Variants in GIMAP1 observed in about 807,000 individuals in gnomAD.
GIMAP1 encodes the protein GTPase IMAP family member 1.
For missense variants in GIMAP1, 423 were observed against 411.9 expected (o/e 1.03, Z -0.23); for synonymous variants, 230 against 187.7 (o/e 1.23, Z -1.84).
chr7:150,719,108 C>CA lies in GIMAP1; in HGVS notation c.43+19dup. 6.2e-7 allele frequency: 1 copy of CA among 1,614,160 alleles called. No individual in the cohort carries two copies. The highest frequency in any genetic ancestry group is 1.1e-5 in the South Asian group (1 of 91,084). On this transcript the variant is annotated intron_variant, in intron 2 of 2. Transcript: ENST00000307194. The stretch of plus-strand genomic sequence containing the variant: ...TGTCTATGGTAAGACCATATCTCTA[C>CA]ACCTCATACTTGCCCCCCTAGGCTT...
chr7:150,718,923 G>C, intron 1 of GIMAP1, 119 bp from the exon 2 acceptor site: 1 of 1,330,670 alleles, frequency 7.5e-7, no homozygotes, highest in Non-Finnish European at 1.1e-6. Context: ...TTTTCACTGT[G>C]CTGTCACCAG....
intron 1 of GIMAP1, among the ~76,000 whole-genome samples, chr7:150,717,203 G>A (rs898720112): frequency 2.0e-5 from 3 of 152,078 alleles, no homozygotes; most frequent in Admixed American, 6.6e-5. Context: ...CCCTTTCCCT[G>A]CATGGCCCCT....
chr7:150,720,635 T>C lies in GIMAP1; in HGVS notation c.631T>C (p.Leu211=), dbSNP rs749245836. The change falls in exon 3 of 3, where the codon TTG becomes CTG. Residue 211 remains leucine, a synonymous_variant. Coordinates refer to ENST00000307194, the MANE Select transcript of GIMAP1 (RefSeq NM_130759.4). The surrounding 1 kb of genome is among the most constrained non-coding windows in gnomAD (Gnocchi z 4.5). ...GCAGCTGCTGGGGATGGTCGAGGGC[T>C]TGGTGCTGGAGCACAAGGGCGCCCA... is the stretch of plus-strand genomic sequence containing the variant. ...VEQLLGMVEG[L]VLEHKGAHYS... is the part of the protein sequence containing the mutation. 11 of 1,612,474 alleles carry C rather than the reference T, an allele frequency of 6.8e-6. No individual in the cohort carries two copies. Among genetic ancestry groups the C allele is most frequent in the Non-Finnish European group, 9.3e-6 (11 of 1,179,214 alleles).
At position 150,719,318 on chromosome 7, in the gene GIMAP1, T is replaced by C. The variant is rs1202534908; in HGVS notation, c.43+228T>C. ...TTGGTTCCACAGTATAAAATAAGGA[T>C]AATAAACCTACTCCGATCACCGCAG... On this transcript the variant is annotated intron_variant, in intron 2 of 2. Transcript: ENST00000307194. 3.7e-5 allele frequency: 21 copies of C among 562,780 alleles called. No individual in the cohort carries two copies. The East Asian group carries it at 6.0e-4, about 16-fold the overall frequency. The allele number at this position is 562,780 out of a possible 1,614,324, so 34.9% of individuals were successfully genotyped here.
In GIMAP1 at chr7:150,720,833, G is replaced by A. The variant is rs1346519708; in HGVS notation, c.829G>A (p.Gly277Ser). The change falls in exon 3 of 3, where the codon GGC becomes AGC. Residue 277 changes from glycine to serine, a missense_variant. Coordinates refer to ENST00000307194, the MANE Select transcript of GIMAP1 (RefSeq NM_130759.4). This position sits in a 1 kb window ranked among gnomAD's most constrained non-coding sequence, Gnocchi z 4.5. ...WLKSPRSWRL[G>S]LALLLGGALL... Reference sequence around the variant, plus strand: ...GAAGTCCCCCAGGAGCTGGAGGCTGGGCCTGGCCCTGCTGCTGGGGGGCGC... The same window carrying A: ...GAAGTCCCCCAGGAGCTGGAGGCTGAGCCTGGCCCTGCTGCTGGGGGGCGC... 6.2e-7 allele frequency: 1 copy of A among 1,604,586 alleles called. No homozygotes were observed. Among genetic ancestry groups the A allele is most frequent in the Admixed American group, 1.7e-5 (1 of 59,214 alleles).
chr7:150,718,629 G>A (rs763583522), intron 1 of GIMAP1, among the ~76,000 whole-genome samples: 6 of 152,128 alleles, frequency 3.9e-5, no homozygotes, highest in Admixed American at 6.5e-5. Flanking sequence ...AAGCCCATTG[G>A]CATTGAGTAA....
chr7:150,720,929 C>A lies in GIMAP1; in HGVS notation c.*4C>A. On this transcript the variant is annotated 3_prime_UTR_variant, in exon 3 of 3. Transcript: ENST00000307194. The surrounding 1 kb of genome is among the most constrained non-coding windows in gnomAD (Gnocchi z 4.5). ...TGCGGAGGTCGGGCCTGACTGACAGCGCAGGTCCTAAAACTGAAGGCAACT... is the reference window on the plus strand; with the variant it reads ...TGCGGAGGTCGGGCCTGACTGACAGAGCAGGTCCTAAAACTGAAGGCAACT... 1 of 1,533,584 alleles carries A rather than the reference C, an allele frequency of 6.5e-7. No individual in the cohort carries two copies. The highest frequency in any genetic ancestry group is 8.7e-7 in the Non-Finnish European group (1 of 1,148,890). The allele number at this position is 1,533,584 out of a possible 1,614,324, so 95.0% of individuals were successfully genotyped here. A position where few individuals can be genotyped will look rare whatever the true frequency, so the allele number is the denominator to read the frequency against.
Position 150,722,610 on chromosome 7 carries a change from G to A in GIMAP1, c.*1685G>A, listed in dbSNP as rs1439893700. The stretch of plus-strand genomic sequence containing the variant: ...TGGTCGTCCACGGTCACTTGCGCAC[G>A]AGCCAGTGCTGCTGCTGGTGTTAGA... On this transcript the variant is annotated 3_prime_UTR_variant, in exon 3 of 3. Coordinates refer to ENST00000307194, the MANE Select transcript of GIMAP1 (RefSeq NM_130759.4). 3 of 152,288 alleles carry A rather than the reference G, an allele frequency of 2.0e-5. No individual in the cohort carries two copies. Among genetic ancestry groups the A allele is most frequent in the South Asian group, 2.1e-4 (1 of 4,836 alleles). The allele number at this position is 152,288 out of a possible 1,614,324, so 9.4% of individuals were successfully genotyped here. A position where few individuals can be genotyped will look rare whatever the true frequency, so the allele number is the denominator to read the frequency against.
At chr7:150,718,081 G>A (rs1466850414) in intron 1 of GIMAP1, among the ~76,000 whole-genome samples, 3 of 152,168 alleles carry the variant, frequency 2.0e-5, no homozygotes, top group African/African-American at 4.8e-5. Context: ...TCCTAGGAGG[G>A]GAAGCCGAGT....
rs1471122931 is a variant in GIMAP1 at position 150,721,453 on chromosome 7, TGTTACA to T, written c.*529_*534del. ...ACCAAAAAGATGAATGTAACTGTACTGTTACAAAGTGGAAAATAACAGTTTCCACTT... is the reference window on the plus strand; with the variant it reads ...ACCAAAAAGATGAATGTAACTGTACTAAGTGGAAAATAACAGTTTCCACTT... On this transcript the variant is annotated 3_prime_UTR_variant, in exon 3 of 3. Coordinates refer to ENST00000307194, the MANE Select transcript of GIMAP1 (RefSeq NM_130759.4). The T allele has an allele frequency of 6.6e-6, 1 of 152,398 alleles. No homozygotes were observed. The highest frequency in any genetic ancestry group is 1.9e-4 in the East Asian group (1 of 5,186). The allele number at this position is 152,398 out of a possible 1,614,324, so 9.4% of individuals were successfully genotyped here.
chr7:150,719,278 G>A, intron 2 of GIMAP1, 188 bp downstream of exon 2: 1 of 654,686 alleles, frequency 1.5e-6, no homozygotes. Flanking sequence ...TAAGTTCTGT[G>A]ACTAGCCTGC....
rs1031931043 is a variant in GIMAP1 at position 150,723,624 on chromosome 7, C to G, written c.*2699C>G. 6.6e-6 allele frequency: 1 copy of G among 152,092 alleles called. No homozygotes were observed. The highest frequency in any genetic ancestry group is 1.5e-5 in the Non-Finnish European group (1 of 68,020). 9.4% of individuals were successfully genotyped at this position (152,092 alleles called of 1,614,324 possible). ...TTTTCCCCCATAGCTCAAGGTTAGG[C>G]CTTGTGACCTCACTTATGTAATTTG... On this transcript the variant is annotated 3_prime_UTR_variant, in exon 3 of 3. Coordinates refer to ENST00000307194, the MANE Select transcript of GIMAP1 (RefSeq NM_130759.4).
rs1797315636 is a variant in GIMAP1 at position 150,722,192 on chromosome 7, C to T, written c.*1267C>T. On this transcript the variant is annotated 3_prime_UTR_variant, in exon 3 of 3. Coordinates refer to ENST00000307194, the MANE Select transcript of GIMAP1 (RefSeq NM_130759.4). The stretch of plus-strand genomic sequence containing the variant: ...ACTCATTGTCTTTAAATCAGCCAGC[C>T]TCTAGTGAGGTCATGGAGACATGGG... 1 of 152,260 alleles carries T rather than the reference C, an allele frequency of 6.6e-6. No homozygotes were observed. The highest frequency in any genetic ancestry group is 2.4e-5 in the African/African-American group (1 of 41,454). 9.4% of individuals were successfully genotyped at this position (152,260 alleles called of 1,614,324 possible). A position where few individuals can be genotyped will look rare whatever the true frequency, so the allele number is the denominator to read the frequency against.
chr7:150,718,947 G>T, intron 1 of GIMAP1, 95 bp from the exon 2 acceptor site: 2 of 1,532,002 alleles, frequency 1.3e-6, no homozygotes, highest in South Asian at 1.1e-5. Context: ...TTTGGACTTT[G>T]CCTGACACCC....
At chr7:150,719,922 G>C in intron 2 of GIMAP1, 126 bp from the exon 3 acceptor site, 1 of 1,295,662 alleles carries the variant, frequency 7.7e-7, no homozygotes, top group Non-Finnish European at 1.0e-6. Flanking sequence ...AAAAGGAAAA[G>C]GTGGAAATGA....
chr7:150,720,052 A>G lies in GIMAP1; in HGVS notation c.48A>G (p.Leu16=). 1.3e-6 allele frequency: 2 copies of G among 1,590,288 alleles called. No homozygotes were observed. Among genetic ancestry groups the G allele is most frequent in the Non-Finnish European group, 1.7e-6 (2 of 1,166,820 alleles). ...MATDEENVYG[L]EENAQSRQES... is the part of the protein sequence containing the mutation. ...TTATAACACTTGGTCTCACAGGTTT[A>G]GAAGAGAACGCTCAGTCCCGGCAGG... Residue 16 remains leucine, a synonymous_variant, in exon 3 of 3, where the codon TTA becomes TTG. Coordinates refer to ENST00000307194, the MANE Select transcript of GIMAP1 (RefSeq NM_130759.4). This position sits in a 1 kb window ranked among gnomAD's most constrained non-coding sequence, Gnocchi z 4.5.
At chr7:150,719,498 A>G (rs1266061905) in intron 2 of GIMAP1, 1 of 174,070 alleles carries the variant, frequency 5.7e-6, no homozygotes, top group Non-Finnish European at 1.2e-5. Context: ...AGAGGGAGAG[A>G]AAGAGAGAAG....
intron 1 of GIMAP1, among the ~76,000 whole-genome samples, chr7:150,717,723 A>G (rs961399044): frequency 6.6e-6 from 1 of 152,202 alleles, no homozygotes; most frequent in African/African-American, 2.4e-5. Flanking sequence ...TGAATCTTGC[A>G]ACTGTTTCTT....
At chr7:150,717,512 T>G (rs1181915701) in intron 1 of GIMAP1, among the ~76,000 whole-genome samples, 1 of 152,116 alleles carries the variant, frequency 6.6e-6, no homozygotes, top group Non-Finnish European at 1.5e-5. Context: ...CATTCCTCAA[T>G]GATTAAGGGC....
Sources: allele counts gnomAD v4.1 joint callset (sites outside exome capture counted in the v4.1 genomes callset), GRCh38; gene constraint gnomAD v4.1.1; non-coding constraint Gnocchi (gnomAD v3.1); transcripts MANE v1.5; gene names NCBI Gene and HGNC (gene_info 2026-07-23, HGNC 2026-07-21).